The following GABRB2 variants were observed in gnomAD, a reference collection of about 807,000 sequenced individuals.
GABRB2 encodes gamma-aminobutyric acid type A receptor subunit beta2.
A neutral mutation model predicts 54.7 loss-of-function variants in GABRB2; 16 were observed. The ratio of observed to expected loss-of-function variants is 0.29; its 90% CI spans 0.20 to 0.44. GABRB2 has a LOEUF of 0.44. Among genes scored for constraint, GABRB2 ranks in the 20% least tolerant of loss-of-function variants. The pLI, the probability that GABRB2 is intolerant of heterozygous loss-of-function variation, is 1.00. For synonymous variants in GABRB2, 244 were observed against 233.8 expected (o/e 1.04, Z -0.40); for missense variants, 355 against 644.0 (o/e 0.55, Z 4.86).
At chr5:161,307,058 T>C (rs551387591) in intron 9 of GABRB2, among the ~76,000 whole-genome samples, 2 of 152,306 alleles carry the variant, frequency 1.3e-5, no homozygotes, top group South Asian at 4.1e-4. Context: ...TGTGCAGCTG[T>C]TTGAATAGAA....
chr5:161,385,004 A>G (rs1755580071), intron 5 of GABRB2, among the ~76,000 whole-genome samples: 1 of 152,080 alleles, frequency 6.6e-6, no homozygotes, highest in East Asian at 1.9e-4. Flanking sequence ...TCCCCTTTAA[A>G]TATGCTTTTC....
chr5:161,353,577 C>T (rs546390938), intron 5 of GABRB2, among the ~76,000 whole-genome samples: 59 of 152,082 alleles, frequency 3.9e-4, no homozygotes, highest in African/African-American at 1.3e-3. Flanking sequence ...TTACTGGCCT[C>T]CTGAATTGTA....
chr5:161,318,630 AC>A (rs1561605727), intron 9 of GABRB2, among the ~76,000 whole-genome samples: 1 of 152,042 alleles, frequency 6.6e-6, no homozygotes, highest in African/African-American at 2.4e-5. Flanking sequence ...AACTTCCAGT[AC>A]AAAAATTCTT....
At chr5:161,461,863 C>A (rs1396810666) in intron 3 of GABRB2, among the ~76,000 whole-genome samples, 3 of 152,138 alleles carry the variant, frequency 2.0e-5, no homozygotes, top group African/African-American at 7.2e-5. Context: ...GATTTCTGCA[C>A]AAATCTGCAT....
chr5:161,413,811 A>G (rs947675824), intron 4 of GABRB2, among the ~76,000 whole-genome samples: 2 of 152,196 alleles, frequency 1.3e-5, no homozygotes, highest in African/African-American at 4.8e-5. Context: ...CAATTAAAAA[A>G]AGAGAGAGAG....
At chr5:161,401,793 CTGAG>C (rs1756199902) in intron 5 of GABRB2, among the ~76,000 whole-genome samples, 1 of 152,100 alleles carries the variant, frequency 6.6e-6, no homozygotes. Flanking sequence ...GACGTGCAAA[CTGAG>C]TATTTCAATT....
intron 4 of GABRB2, among the ~76,000 whole-genome samples, chr5:161,430,053 T>C (rs1391796022): frequency 2.0e-5 from 3 of 152,202 alleles, no homozygotes; most frequent in Non-Finnish European, 2.9e-5. Context: ...TGAATTGGTC[T>C]GTCCTGAGGG....
At chr5:161,350,865 A>G (rs1754453401) in intron 5 of GABRB2, among the ~76,000 whole-genome samples, 1 of 152,084 alleles carries the variant, frequency 6.6e-6, no homozygotes, top group Admixed American at 6.6e-5. Flanking sequence ...TCTTGGACTT[A>G]CACCAGTGAC....
intron 4 of GABRB2, among the ~76,000 whole-genome samples, chr5:161,443,739 C>A (rs1580991058): frequency 6.6e-6 from 1 of 152,172 alleles, no homozygotes; most frequent in Non-Finnish European, 1.5e-5. Context: ...GTGGTGGACA[C>A]AGCATTTTTC....
At chr5:161,331,184 T>C (rs1753827307) in intron 7 of GABRB2, 57 bp from the exon 8 acceptor site, 1 of 1,492,428 alleles carries the variant, frequency 6.7e-7, no homozygotes, top group Admixed American at 2.3e-5. Context: ...TCTTCTTTCT[T>C]AATAGCTGGA....
chr5:161,510,139 T>C (rs544627994), intron 3 of GABRB2, among the ~76,000 whole-genome samples: 1 of 151,936 alleles, frequency 6.6e-6, no homozygotes, highest in African/African-American at 2.4e-5. Flanking sequence ...AATCTAATTA[T>C]ACTCTTTTAG....
At chr5:161,432,360 C>T (rs1021880387) in intron 4 of GABRB2, among the ~76,000 whole-genome samples, 12 of 152,266 alleles carry the variant, frequency 7.9e-5, no homozygotes, top group Admixed American at 5.9e-4. Flanking sequence ...TTTTGGAATT[C>T]GGCTAGCACA....
chr5:161,468,367 G>C (rs866466489), intron 3 of GABRB2, among the ~76,000 whole-genome samples: 16 of 151,996 alleles, frequency 1.1e-4, no homozygotes, highest in Middle Eastern at 3.4e-3. Context: ...ATCCACACTG[G>C]CCTGTTCTGT....
In GABRB2 at chr5:161,415,823, A is replaced by G. The variant is rs190098976; in HGVS notation, c.459-4766T>C. Among the ~76,000 whole-genome samples, 47 of 151,908 alleles carry G rather than the reference A, an allele frequency of 3.1e-4. 1 individual carries two copies. The East Asian group carries it at 8.5e-3, about 28-fold the overall frequency. ...AGATGGGGTTTCGCTATGTTGGCCA[A>G]CCTGGTCTCAAACTCCTGACCTCAG... is the stretch of plus-strand genomic sequence containing the variant. On this transcript the variant is annotated intron_variant, in intron 4 of 9. Transcript: ENST00000393959.
At chr5:161,332,242 A>T (rs1753874579) in intron 7 of GABRB2, among the ~76,000 whole-genome samples, 1 of 152,060 alleles carries the variant, frequency 6.6e-6, no homozygotes, top group South Asian at 2.1e-4. Flanking sequence ...AAGTGAAGTC[A>T]ATTAAAATAA....
intron 3 of GABRB2, among the ~76,000 whole-genome samples, chr5:161,504,706 C>A (rs1000613904): frequency 9.3e-6 from 1 of 107,374 alleles, no homozygotes. Context: ...GAGTAAAATA[C>A]AATAAAATGA....
chr5:161,407,202 AG>A (rs1208597197), intron 5 of GABRB2, among the ~76,000 whole-genome samples: 4 of 152,000 alleles, frequency 2.6e-5, no homozygotes, highest in Non-Finnish European at 5.9e-5. Flanking sequence ...GGGAGGGAGG[AG>A]GGGGCATGAT....
At chr5:161,363,859 C>A (rs1420986946) in intron 5 of GABRB2, among the ~76,000 whole-genome samples, 1 of 152,134 alleles carries the variant, frequency 6.6e-6, no homozygotes, top group Non-Finnish European at 1.5e-5. Flanking sequence ...ACCAGAGAGG[C>A]TAGAATCACT....
At chr5:161,390,960 C>T (rs557387936) in intron 5 of GABRB2, among the ~76,000 whole-genome samples, 12 of 152,184 alleles carry the variant, frequency 7.9e-5, no homozygotes, top group Admixed American at 3.9e-4. Context: ...AGAAAATTTA[C>T]GGTTCAGGGA....
Sources: allele counts gnomAD v4.1 joint callset (sites outside exome capture counted in the v4.1 genomes callset), GRCh38; gene constraint gnomAD v4.1.1; transcripts MANE v1.5; gene names NCBI Gene and HGNC (gene_info 2026-07-23, HGNC 2026-07-21).